MAPK8: variants seen among roughly 807,000 people sequenced by gnomAD.
MAPK8 encodes mitogen-activated protein kinase 8.
In MAPK8, 13 loss-of-function variants were observed where a neutral mutation model predicts 52.9. The observed-to-expected ratio is 0.25, with a 90% CI of 0.16 to 0.39. The LOEUF (loss-of-function observed/expected upper bound fraction) is 0.39, where lower values mean the gene tolerates loss of function less well. MAPK8 is among the 10% of genes least tolerant of loss of function. The pLI is 1.00. For missense variants in MAPK8, 300 were observed against 519.2 expected, an observed-to-expected ratio of 0.58 and a Z score of 4.10; for synonymous variants, 191 against 169.8, an observed-to-expected ratio of 1.12 and a Z score of -0.97.
intron 1 of MAPK8, among the ~76,000 whole-genome samples, chr10:48,336,729 A>G (rs1015801289): frequency 1.3e-5 from 2 of 152,210 alleles, no homozygotes; most frequent in Non-Finnish European, 2.9e-5. Flanking sequence ...ACTGCTGTAC[A>G]CATGTAAGAG....
At chr10:48,431,387 AATAAGT>A (rs1396677815) in intron 11 of MAPK8, 117 bp downstream of exon 11, 1 of 696,086 alleles carries the variant, frequency 1.4e-6, no homozygotes, top group Admixed American at 3.0e-5. Context: ...TTCCAGGCTT[AATAAGT>A]ATAAGGAAAT....
chr10:48,401,583 T>A, intron 1 of MAPK8, 29 bp from the exon 2 acceptor site: 1 of 1,496,744 alleles, frequency 6.7e-7, no homozygotes, highest in African/African-American at 1.4e-5. Context: ...GTTCATTTTG[T>A]TAACATCATG....
chr10:48,343,809 A>G (rs1275695339), intron 1 of MAPK8, among the ~76,000 whole-genome samples: 1 of 152,254 alleles, frequency 6.6e-6, no homozygotes, highest in African/African-American at 2.4e-5. Flanking sequence ...TAATTTTAAC[A>G]AAGAGGGCAT....
intron 1 of MAPK8, among the ~76,000 whole-genome samples, chr10:48,377,974 A>C (rs2040773841): frequency 6.6e-6 from 1 of 152,162 alleles, no homozygotes; most frequent in South Asian, 2.1e-4. Context: ...AGTGGCTTCA[A>C]GGGGTAATTA....
intron 11 of MAPK8, among the ~76,000 whole-genome samples, chr10:48,434,069 C>T (rs1309252369): frequency 6.6e-6 from 1 of 152,206 alleles, no homozygotes; most frequent in Non-Finnish European, 1.5e-5. Context: ...CTTCCTAAAC[C>T]AATCCCCTTG....
intron 10 of MAPK8, among the ~76,000 whole-genome samples, chr10:48,428,979 A>T (rs1013038167): frequency 2.1e-5 from 3 of 146,306 alleles, no homozygotes; most frequent in African/African-American, 7.5e-5. Context: ...GATCCACTGC[A>T]CTTGGCTAAT....
At chr10:48,413,857 A>ATATATATATATG (rs1439503845) in intron 5 of MAPK8, among the ~76,000 whole-genome samples, 21 of 124,558 alleles carry the variant, frequency 1.7e-4, no homozygotes, top group African/African-American at 6.2e-4. Context: ...ATATATATAT[A>ATATATATATATG]TATTCAGAAA....
chr10:48,429,131 A>T (rs190012616), intron 10 of MAPK8, among the ~76,000 whole-genome samples: 20 of 151,504 alleles, frequency 1.3e-4, no homozygotes, highest in East Asian at 5.8e-4. Flanking sequence ...CCTAATTTTT[A>T]AAAAAAAATT....
intron 3 of MAPK8, among the ~76,000 whole-genome samples, chr10:48,405,407 C>G (rs988056031): frequency 6.6e-6 from 1 of 152,120 alleles, no homozygotes; most frequent in African/African-American, 2.4e-5. Flanking sequence ...TATCACTTCT[C>G]CCTACCCCAC....
chr10:48,419,947 T>C lies in MAPK8; in HGVS notation c.451-208T>C, dbSNP rs146166187. 4.6e-5 allele frequency among the ~76,000 whole-genome samples: 7 copies of C among 152,354 alleles called. No homozygotes were observed. In the East Asian group the frequency reaches 1.3e-3, roughly 29 times the overall value. On this transcript the variant is annotated intron_variant, in intron 5 of 11. Coordinates refer to ENST00000374189, the MANE Select transcript of MAPK8 (RefSeq NM_001323329.2). ...GCAATTAAAACATTACTAACTTCTC[T>C]AATAACTGTATGTATTCATAAATTT... is the stretch of plus-strand genomic sequence containing the variant.
chr10:48,431,590 G>A (rs1327515045), intron 11 of MAPK8, among the ~76,000 whole-genome samples: 2 of 152,116 alleles, frequency 1.3e-5, no homozygotes, highest in African/African-American at 2.4e-5. Flanking sequence ...CTATGATCTT[G>A]ACAGTCTTTA....
chr10:48,335,158 T>A (rs538581110), intron 1 of MAPK8, among the ~76,000 whole-genome samples: 31 of 152,288 alleles, frequency 2.0e-4, no homozygotes, highest in Non-Finnish European at 3.2e-4. Context: ...TGAAAATGGA[T>A]CATTTAAAAT....
At chr10:48,396,311 A>G (rs1227908007) in intron 1 of MAPK8, among the ~76,000 whole-genome samples, 3 of 152,196 alleles carry the variant, frequency 2.0e-5, no homozygotes, top group African/African-American at 7.2e-5. Context: ...ACTTCACCAA[A>G]GAGTATATAG....
intron 1 of MAPK8, among the ~76,000 whole-genome samples, chr10:48,308,447 C>T (rs1362488709): frequency 6.6e-6 from 1 of 152,208 alleles, no homozygotes; most frequent in Non-Finnish European, 1.5e-5. Context: ...TGTACATTAT[C>T]TGTTATGATG....
intron 1 of MAPK8, among the ~76,000 whole-genome samples, chr10:48,315,900 C>T (rs981601776): frequency 6.6e-6 from 1 of 151,830 alleles, no homozygotes; most frequent in African/African-American, 2.4e-5. Context: ...TAGTTTTCCT[C>T]CATTATATGT....
chr10:48,411,405 C>CA (rs1382599684), intron 5 of MAPK8, among the ~76,000 whole-genome samples: 1 of 152,148 alleles, frequency 6.6e-6, no homozygotes. Context: ...GCACCCCTGT[C>CA]AAAAAACAGT....
intron 1 of MAPK8, among the ~76,000 whole-genome samples, chr10:48,355,329 G>T (rs113831093): frequency 0.015 from 2,291 of 152,140 alleles, 62 homozygotes; most frequent in African/African-American, 0.052. Context: ...CTAACACGGC[G>T]AAACCCCATC....
intron 1 of MAPK8, among the ~76,000 whole-genome samples, chr10:48,330,105 A>G (rs1162588731): frequency 2.0e-5 from 3 of 152,226 alleles, no homozygotes. Context: ...GTAAGGATAC[A>G]AAAATCATAT....
chr10:48,410,524 G>A (rs924922841), intron 5 of MAPK8, among the ~76,000 whole-genome samples: 10 of 151,886 alleles, frequency 6.6e-5, no homozygotes, highest in Admixed American at 2.0e-4. Flanking sequence ...ACCATATTTC[G>A]TTCATCCATT....
Sources: gnomAD v4.1 joint callset for allele counts (sites outside exome capture counted in the v4.1 genomes callset) on GRCh38, gnomAD v4.1.1 for gene constraint, MANE v1.5 for transcripts, NCBI Gene and HGNC (gene_info 2026-07-23, HGNC 2026-07-21) for gene names.